The following CASZ1 variants were observed in gnomAD, a reference collection of about 807,000 sequenced individuals.
CASZ1 encodes the protein zinc finger protein castor homolog 1.
Under a neutral mutation model 135.2 loss-of-function variants are expected in CASZ1, and 28 were observed. The observed-to-expected ratio is 0.21, with a 90% CI of 0.15 to 0.28. The LOEUF is 0.28. Ranked by LOEUF, CASZ1 falls within the 10% of genes least tolerant of loss-of-function variation. The pLI, the probability that CASZ1 is intolerant of heterozygous loss-of-function variation, is 1.00. For synonymous variants in CASZ1, 1,068 were observed against 1,073.4 expected, an observed-to-expected ratio of 0.99 and a Z score of 0.10; for missense variants, 2,161 against 2,453.3, an observed-to-expected ratio of 0.88 and a Z score of 2.52.
At chr1:10,667,603 C>G (rs114893154) in intron 4 of CASZ1, among the ~76,000 whole-genome samples, 4 of 152,170 alleles carry the variant, frequency 2.6e-5, no homozygotes, top group Non-Finnish European at 5.9e-5. Context: ...TCCGGGGAAG[C>G]GGGCCTCACC....
intron 2 of CASZ1, among the ~76,000 whole-genome samples, chr1:10,740,450 GGA>G (rs1300527446): frequency 1.3e-5 from 2 of 152,212 alleles, no homozygotes; most frequent in African/African-American, 4.8e-5. Flanking sequence ...GTAACAGATG[GGA>G]GAGAAATGAA....
chr1:10,775,624 C>T (rs1640648033), intron 1 of CASZ1, among the ~76,000 whole-genome samples: 1 of 152,178 alleles, frequency 6.6e-6, no homozygotes, highest in South Asian at 2.1e-4. Context: ...CAATCTTCAG[C>T]CCCTTTCAAG....
Position 10,658,526 on chromosome 1 carries a change from T to C in CASZ1, c.1391A>G (p.Tyr464Cys). The C allele has an allele frequency of 6.2e-7, 1 of 1,613,992 alleles. No homozygotes were observed. Among genetic ancestry groups the C allele is most frequent in the Non-Finnish European group, 8.5e-7 (1 of 1,179,924 alleles). Residue 464 changes from tyrosine (Y) to cysteine (C), a missense_variant, in exon 7 of 21, where the codon TAC (tyrosine) becomes TGC (cysteine). By Grantham distance (194) the Tyr-to-Cys change is radical (BLOSUM62 -2). Around this residue, in one of 7 missense-constraint regions of CASZ1, gnomAD observed 248 missense variants for 410.8 expected, o/e 0.60. Transcript: ENST00000377022. ...KPAVTEDVNI[Y>C]QKYIARFSGS... ...GGCCTACCTGGCAATATATTTCTGG[T>C]AAATGTTTACATCTTCAGTGACGGC...
chr1:10,780,858 G>A (rs1302626136), intron 1 of CASZ1, among the ~76,000 whole-genome samples: 1 of 152,122 alleles, frequency 6.6e-6, no homozygotes, highest in Non-Finnish European at 1.5e-5. Context: ...AATGGGAATC[G>A]AACCACTGCT....
At chr1:10,731,030 C>T (rs1244784980) in intron 2 of CASZ1, among the ~76,000 whole-genome samples, 1 of 151,590 alleles carries the variant, frequency 6.6e-6, no homozygotes, top group Non-Finnish European at 1.5e-5. Context: ...CACTTGAACC[C>T]GGGAGGCAGA....
rs371852228 is a variant in CASZ1, at chr1:10,646,250, C to T, written c.3574G>A (p.Val1192Ile). Residue 1192 changes from valine to isoleucine, a missense_variant, in exon 17 of 21, where the codon GTC becomes ATC. Physicochemically the swap from Val to Ile is conservative, Grantham distance 29 (BLOSUM62 3). This residue lies in a region of CASZ1 where 349 missense variants were observed against 460.8 expected (regional missense o/e 0.76). Transcript: ENST00000377022. This position sits in a 1 kb window ranked among gnomAD's most constrained non-coding sequence, Gnocchi z 6.4. ...TCGGCCTTGCCAGACGTTTTGCAGA[C>T]GTACTTGCAGTTCCCAAAGAGACAG... ...FHCLFGNCKY[V>I]CKTSGKAESH... 2.5e-5 allele frequency: 40 copies of T among 1,614,042 alleles called. No homozygotes were observed. Among genetic ancestry groups the T allele is most frequent in the South Asian group, 5.5e-5 (5 of 91,086 alleles).
At chr1:10,698,189 G>C (rs1018955069) in intron 3 of CASZ1, among the ~76,000 whole-genome samples, 2 of 152,232 alleles carry the variant, frequency 1.3e-5, no homozygotes, top group Non-Finnish European at 2.9e-5. Flanking sequence ...CCGCACGCTC[G>C]GCCCCGTAAT....
chr1:10,682,846 C>A (rs1379979687), intron 4 of CASZ1, among the ~76,000 whole-genome samples: 4 of 152,220 alleles, frequency 2.6e-5, no homozygotes, highest in African/African-American at 9.6e-5. Flanking sequence ...CCCATATGGC[C>A]CTTGGAGGCG....
chr1:10,676,222 A>G lies in CASZ1; in HGVS notation c.17-10651T>C, dbSNP rs1015618551. On this transcript the variant is annotated intron_variant, in intron 4 of 20. Coordinates refer to ENST00000377022, the MANE Select transcript of CASZ1 (RefSeq NM_001079843.3). This position sits in a 1 kb window ranked among gnomAD's most constrained non-coding sequence, Gnocchi z 4.5. ...CATGCCAACCAAGTGACAGACACCA[A>G]GGCCCTGCTGGACTGGCCCGGACCC... Among the ~76,000 whole-genome samples, 1 of 152,136 alleles carries G rather than the reference A, an allele frequency of 6.6e-6. No homozygotes were observed. The highest frequency in any genetic ancestry group is 2.4e-5 in the African/African-American group (1 of 41,438).
At chr1:10,682,280 G>T (rs775486699) in intron 4 of CASZ1, among the ~76,000 whole-genome samples, 1 of 152,140 alleles carries the variant, frequency 6.6e-6, no homozygotes, top group Non-Finnish European at 1.5e-5. Context: ...GGAGGGAAGT[G>T]GGGGGTGCCG....
In CASZ1 at chr1:10,717,131, T is replaced by C. The variant is rs1328594347; in HGVS notation, c.-76-11587A>G. On this transcript the variant is annotated intron_variant, in intron 2 of 20. Transcript: ENST00000377022. This position sits in a 1 kb window ranked among gnomAD's most constrained non-coding sequence, Gnocchi z 4.6. ...GCGAGGACACTGGGGAGGGCGTGTC[T>C]CCTTAATAAGCCCTTTCTCTGGAAG... 6.6e-6 allele frequency among the ~76,000 whole-genome samples: 1 copy of C among 152,186 alleles called. No homozygotes were observed. The highest frequency in any genetic ancestry group is 1.5e-5 in the Non-Finnish European group (1 of 68,034).
rs1190562376 is a variant in CASZ1, at chr1:10,741,680, G to A, written c.-77+19021C>T. ...GGGAAACAATTTCCCCATCAAACCA[G>A]TTTTATTGGATATAAATATCTAATT... On this transcript the variant is annotated intron_variant, in intron 2 of 20. Transcript: ENST00000377022. This position sits in a 1 kb window ranked among gnomAD's most constrained non-coding sequence, Gnocchi z 5.0. 6.6e-6 allele frequency among the ~76,000 whole-genome samples: 1 copy of A among 152,076 alleles called. No homozygotes were observed. Among genetic ancestry groups the A allele is most frequent in the Non-Finnish European group, 1.5e-5 (1 of 68,030 alleles).
chr1:10,773,396 T>C (rs1325013597), intron 1 of CASZ1, among the ~76,000 whole-genome samples: 1 of 33,656 alleles, frequency 3.0e-5, no homozygotes, highest in Non-Finnish European at 6.5e-5. Flanking sequence ...GAGTGTGGGC[T>C]GGGGGAGGGG....
chr1:10,644,345 C>T (rs570265722), intron 18 of CASZ1, among the ~76,000 whole-genome samples: 4 of 152,256 alleles, frequency 2.6e-5, no homozygotes, highest in East Asian at 3.9e-4. Flanking sequence ...TCCTGGGTTC[C>T]GGGTCACGGG....
intron 13 of CASZ1, 96 bp from the exon 14 acceptor site, chr1:10,649,533 C>G (rs2124676492): frequency 7.4e-7 from 1 of 1,359,204 alleles, no homozygotes; most frequent in East Asian, 2.5e-5. Flanking sequence ...GCTGCTGGGA[C>G]CCACCCAGCC....
chr1:10,685,502 C>CCT (rs1328497204), intron 4 of CASZ1, among the ~76,000 whole-genome samples: 3 of 152,166 alleles, frequency 2.0e-5, no homozygotes, highest in Admixed American at 2.0e-4. Flanking sequence ...CACCTTCCTC[C>CCT]CTCTCTCTCT....
chr1:10,658,261 C>G (rs1296032013), intron 7 of CASZ1: 1 of 512,706 alleles, frequency 2.0e-6, no homozygotes, highest in African/African-American at 1.9e-5. Flanking sequence ...CGTCGGGACC[C>G]CGGCCCTAAC....
At position 10,694,347 on chromosome 1, in the gene CASZ1, ATACT is replaced by A. The variant is rs1020497610; in HGVS notation, c.-23-439_-23-436del. On this transcript the variant is annotated intron_variant, in intron 3 of 20. Coordinates refer to ENST00000377022, the MANE Select transcript of CASZ1 (RefSeq NM_001079843.3). This position sits in a 1 kb window ranked among gnomAD's most constrained non-coding sequence, Gnocchi z 6.6. ...TTCACTTAAATAATCAACTTTCATA[ATACT>A]TAATTAATGCCTAATTGCAACTGAT... 19 of 1,143,442 alleles carry A rather than the reference ATACT, an allele frequency of 1.7e-5. No individual in the cohort carries two copies. Among genetic ancestry groups the A allele is most frequent in the Middle Eastern group, 2.4e-4 (1 of 4,194 alleles). 70.8% of individuals were successfully genotyped at this position (1,143,442 alleles called of 1,614,324 possible). A position where few individuals can be genotyped will look rare whatever the true frequency, so the allele number is the denominator to read the frequency against.
rs1429945390 is a variant in CASZ1 at position 10,637,134 on chromosome 1, A to G, written c.*1808T>C. On this transcript the variant is annotated 3_prime_UTR_variant, in exon 21 of 21. Transcript: ENST00000377022. ...CTTCTTTTCTTCTTTTTTTTTTTTA[A>G]GTTTGATTTTGCTACATTGAAAAAA... 3 of 150,928 alleles carry G rather than the reference A, an allele frequency of 2.0e-5. No individual in the cohort carries two copies. The highest frequency in any genetic ancestry group is 4.4e-5 in the Non-Finnish European group (3 of 67,686). The allele number at this position is 150,928 out of a possible 1,614,324, so 9.3% of individuals were successfully genotyped here.
Sources: gnomAD v4.1 joint callset for allele counts (sites outside exome capture counted in the v4.1 genomes callset) on GRCh38, gnomAD v4.1.1 for gene constraint, gnomAD v4.1.1 regional missense constraint, Gnocchi (gnomAD v3.1) non-coding constraint, MANE v1.5 for transcripts, NCBI Gene and HGNC (gene_info 2026-07-23, HGNC 2026-07-21) for gene names.